ESRRB: variants seen among roughly 807,000 people sequenced by gnomAD.
ESRRB encodes steroid hormone receptor ERR2.
In ESRRB, 16 loss-of-function variants were observed where a neutral mutation model predicts 46.0. That is an observed-to-expected ratio of 0.35 (90% CI 0.24 to 0.53). The LOEUF (loss-of-function observed/expected upper bound fraction) is 0.53. Ranked by LOEUF, ESRRB falls within the 20% of genes least tolerant of loss-of-function variation. The pLI is 0.93. For synonymous variants in ESRRB, 246 were observed against 259.6 expected, an observed-to-expected ratio of 0.95 and a Z score of 0.50; for missense variants, 488 against 607.4, an observed-to-expected ratio of 0.80 and a Z score of 2.07.
At chr14:76,449,874 G>A (rs748970114) in intron 2 of ESRRB, among the ~76,000 whole-genome samples, 5 of 150,302 alleles carry the variant, frequency 3.3e-5, no homozygotes, top group Non-Finnish European at 7.4e-5. Flanking sequence ...TTCTGCCTCA[G>A]CCTTCTGAGG....
chr14:76,318,887 G>A (rs1372245249), intron 1 of ESRRB, among the ~76,000 whole-genome samples: 1 of 152,164 alleles, frequency 6.6e-6, no homozygotes, highest in Non-Finnish European at 1.5e-5. Flanking sequence ...GTCACGGATG[G>A]CTGACCACAA....
intron 1 of ESRRB, among the ~76,000 whole-genome samples, chr14:76,426,416 T>A (rs1887204400): frequency 6.6e-6 from 1 of 152,224 alleles, no homozygotes; most frequent in Admixed American, 6.5e-5. Context: ...CCTCCTGGTG[T>A]CTAGCAAGAA....
chr14:76,392,061 C>T (rs1419797777), intron 1 of ESRRB, among the ~76,000 whole-genome samples: 1 of 152,192 alleles, frequency 6.6e-6, no homozygotes, highest in Non-Finnish European at 1.5e-5. Flanking sequence ...GATAGCTCTT[C>T]GAAGGCTTTC....
At chr14:76,384,597 AGT>A (rs1166563322) in intron 1 of ESRRB, among the ~76,000 whole-genome samples, 2 of 152,086 alleles carry the variant, frequency 1.3e-5, no homozygotes, top group Admixed American at 1.3e-4. Context: ...AGATGGGAGA[AGT>A]GTTTCTTGTA....
At chr14:76,373,882 A>G (rs1276091364), upstream of ESRRB, among the ~76,000 whole-genome samples, 4 of 152,102 alleles carry the variant, frequency 2.6e-5, no homozygotes, top group Non-Finnish European at 5.9e-5. Context: ...ACCAATGCAG[A>G]CCCCACTTTC....
intron 2 of ESRRB, among the ~76,000 whole-genome samples, chr14:76,450,058 G>C (rs1472776362): frequency 6.6e-6 from 1 of 151,978 alleles, no homozygotes; most frequent in Non-Finnish European, 1.5e-5. Context: ...CAATAAATAT[G>C]ATAAATAATG....
chr14:76,475,092 G>A (rs114533379), intron 3 of ESRRB, among the ~76,000 whole-genome samples: 3,046 of 152,092 alleles, frequency 0.02, 112 homozygotes, highest in African/African-American at 0.07. Context: ...AAATTATCTG[G>A]GTGTCATGGC....
chr14:76,484,104 C>T (rs1243659823), intron 5 of ESRRB, among the ~76,000 whole-genome samples: 2 of 152,224 alleles, frequency 1.3e-5, no homozygotes, highest in Non-Finnish European at 2.9e-5. Context: ...GATTTGCGCA[C>T]CTCAGCCTCC....
intron 6 of ESRRB, among the ~76,000 whole-genome samples, chr14:76,492,614 T>C (rs1202743891): frequency 6.6e-6 from 1 of 152,214 alleles, no homozygotes; most frequent in Non-Finnish European, 1.5e-5. Context: ...AGTTAAAAAG[T>C]GTCAGAGTTA....
chr14:76,428,290 A>G (rs1002762980), intron 1 of ESRRB, among the ~76,000 whole-genome samples: 2 of 152,018 alleles, frequency 1.3e-5, no homozygotes, highest in Admixed American at 1.3e-4. Context: ...GAGCCACTGC[A>G]CCCAGCCATG....
chr14:76,332,782 T>A (rs1370289118), intron 1 of ESRRB, among the ~76,000 whole-genome samples: 11 of 16,130 alleles, frequency 6.8e-4, no homozygotes, highest in Admixed American at 2.9e-3. Flanking sequence ...ATATTATATA[T>A]TATATATAAA....
intron 1 of ESRRB, among the ~76,000 whole-genome samples, chr14:76,312,156 C>T (rs533670767): frequency 2.0e-5 from 3 of 151,476 alleles, no homozygotes; most frequent in African/African-American, 7.3e-5. Flanking sequence ...ATCTTTCCAA[C>T]AATTTAAAAG....
Position 76,439,740 on chromosome 14 carries a change from G to A in ESRRB, c.450G>A (p.Arg150=). 1 of 1,613,892 alleles carries A rather than the reference G, an allele frequency of 6.2e-7. No individual in the cohort carries two copies. The highest frequency in any genetic ancestry group is 8.5e-7 in the Non-Finnish European group (1 of 1,179,752). Residue 150 remains arginine, a synonymous_variant, in exon 2 of 7, where the codon AGG becomes AGA. Coordinates refer to ENST00000644823, the MANE Select transcript of ESRRB (RefSeq NM_001379180.1). The part of the protein sequence containing the change: ...SCEACKAFFK[R]TIQGNIEYSC... The stretch of plus-strand genomic sequence containing the variant: ...AGGCTTGCAAGGCCTTCTTCAAGAG[G>A]ACTATCCAAGGTGCGTGGTGGGCCT...
intron 1 of ESRRB, among the ~76,000 whole-genome samples, chr14:76,438,987 T>TG (rs1236883745): frequency 2.0e-5 from 3 of 151,068 alleles, no homozygotes; most frequent in East Asian, 2.0e-4. Flanking sequence ...TTTTAACAGA[T>TG]GGGGTCTCCC....
At chr14:76,488,187 G>A (rs1890090034) in intron 5 of ESRRB, among the ~76,000 whole-genome samples, 1 of 152,176 alleles carries the variant, frequency 6.6e-6, no homozygotes, top group Non-Finnish European at 1.5e-5. Context: ...GTTAAAAGAT[G>A]TCAAATATCT....
At chr14:76,487,559 A>G (rs1442956299) in intron 5 of ESRRB, among the ~76,000 whole-genome samples, 2 of 151,238 alleles carry the variant, frequency 1.3e-5, no homozygotes, top group African/African-American at 2.4e-5. Flanking sequence ...ACCCTTTTAC[A>G]TTTATCTCTA....
intron 6 of ESRRB, among the ~76,000 whole-genome samples, chr14:76,496,517 G>A (rs1265591381): frequency 9.7e-6 from 1 of 102,670 alleles, no homozygotes; most frequent in Non-Finnish European, 2.2e-5. Context: ...CAGACCAGAA[G>A]CTCAAGGGCT....
chr14:76,447,248 T>C (rs964245152), intron 2 of ESRRB, among the ~76,000 whole-genome samples: 8 of 32,458 alleles, frequency 2.5e-4, no homozygotes, highest in Admixed American at 1.8e-3. Context: ...AAAGTCTCCT[T>C]CCTTCCTTCC....
chr14:76,317,310 C>CTGTG (rs4024313), intron 1 of ESRRB, among the ~76,000 whole-genome samples: 12,552 of 134,366 alleles, frequency 0.093, 617 homozygotes, highest in Middle Eastern at 0.18. Context: ...TGATTAGGCT[C>CTGTG]TGTGTGTGTG....
Sources: allele counts gnomAD v4.1 joint callset (sites outside exome capture counted in the v4.1 genomes callset), GRCh38; gene constraint gnomAD v4.1.1; transcripts MANE v1.5; gene names NCBI Gene and HGNC (gene_info 2026-07-23, HGNC 2026-07-21).